The following TTLL11 variants were observed in gnomAD, a reference collection of about 807,000 sequenced individuals.
TTLL11 encodes tubulin tyrosine ligase like 11.
A neutral mutation model predicts 51.7 loss-of-function variants in TTLL11; 42 were observed. The ratio of observed to expected loss-of-function variants is 0.81; its 90% CI spans 0.64 to 1.05. TTLL11 has a LOEUF of 1.05. TTLL11 is among the 50% of genes least tolerant of loss of function. The probability of loss-of-function intolerance (pLI) is 0.00; values close to 1 mark genes in which losing one functional copy is unlikely to be tolerated. For synonymous variants in TTLL11, 381 were observed against 383.5 expected, an observed-to-expected ratio of 0.99 and a Z score of 0.08; for missense variants, 799 against 940.4, an observed-to-expected ratio of 0.85 and a Z score of 1.97.
intron 8 of TTLL11, among the ~76,000 whole-genome samples, chr9:121,823,161 CAG>C (rs1836636382): frequency 6.6e-6 from 1 of 152,232 alleles, no homozygotes; most frequent in African/African-American, 2.4e-5. Flanking sequence ...AGTTGAGTCT[CAG>C]AGACACGGAG....
At chr9:121,904,244 T>C (rs1839860739) in intron 6 of TTLL11, among the ~76,000 whole-genome samples, 1 of 152,036 alleles carries the variant, frequency 6.6e-6, no homozygotes, top group African/African-American at 2.4e-5. Flanking sequence ...TGGCACGATC[T>C]TGGCTCACTG....
chr9:121,842,014 C>G (rs1166487304), intron 8 of TTLL11, among the ~76,000 whole-genome samples: 3 of 152,108 alleles, frequency 2.0e-5, no homozygotes, highest in African/African-American at 7.2e-5. Flanking sequence ...CATGTGCCTG[C>G]CTTCTTCCAC....
At chr9:121,946,499 A>G (rs2131592275) in intron 6 of TTLL11, among the ~76,000 whole-genome samples, 1 of 152,272 alleles carries the variant, frequency 6.6e-6, no homozygotes, top group East Asian at 1.9e-4. Flanking sequence ...CGGGAATCAT[A>G]CCTGGGGCCA....
Position 121,883,486 on chromosome 9 carries a change from C to T in TTLL11, c.1482-12738G>A, listed in dbSNP as rs536215988. Among the ~76,000 whole-genome samples the T allele has an allele frequency of 4.6e-5, 7 of 152,280 alleles. No homozygotes were observed. In the South Asian group the frequency reaches 6.2e-4, roughly 14 times the overall value. ...TCCAGGAAGATTTCGCGGCCTCCTT[C>T]GACCCATGACATTCTTTCCTCAAAG... On this transcript the variant is annotated intron_variant, in intron 6 of 8. Transcript: ENST00000321582.
intron 8 of TTLL11, among the ~76,000 whole-genome samples, chr9:121,859,474 C>T (rs1028602407): frequency 1.3e-5 from 2 of 152,154 alleles, no homozygotes; most frequent in Non-Finnish European, 2.9e-5. Context: ...GCAACCACTC[C>T]AGCCTGGGCA....
chr9:122,031,721 A>C lies in TTLL11; in HGVS notation c.693+2T>G. 6.2e-7 allele frequency: 1 copy of C among 1,612,282 alleles called. No individual in the cohort carries two copies. Among genetic ancestry groups the C allele is most frequent in the African/African-American group, 1.3e-5 (1 of 74,944 alleles). On this transcript the variant is annotated splice_donor_variant, in intron 3 of 8. Coordinates refer to ENST00000321582, the MANE Select transcript of TTLL11 (RefSeq NM_001139442.2). LOFTEE classifies it high-confidence loss of function. ...GGGTCATGGGGACGGAGTGCCATCT[A>C]CCTGAGCAACAAAGAGCTGGAACTC...
chr9:121,888,556 C>A (rs1289352204), intron 6 of TTLL11, among the ~76,000 whole-genome samples: 1 of 152,182 alleles, frequency 6.6e-6, no homozygotes, highest in East Asian at 1.9e-4. Context: ...GGGCCAGGCC[C>A]GGAGCAGGGA....
chr9:122,040,578 C>A (rs1185437297), intron 1 of TTLL11, among the ~76,000 whole-genome samples: 1 of 152,142 alleles, frequency 6.6e-6, no homozygotes, highest in Non-Finnish European at 1.5e-5. Context: ...AAATAAAAAT[C>A]TTTTGATTTT....
intron 7 of TTLL11, among the ~76,000 whole-genome samples, chr9:121,869,376 A>G (rs1483260169): frequency 6.6e-6 from 1 of 152,218 alleles, no homozygotes; most frequent in Non-Finnish European, 1.5e-5. Context: ...CATGACTTTG[A>G]GGTGCAAGAC....
chr9:121,989,319 A>T lies in TTLL11; in HGVS notation c.1145T>A (p.Ile382Asn). Reference protein sequence around the residue: ...LCRLSSKGVDIKKVWSDIISV... With the variant: ...LCRLSSKGVDNKKVWSDIISV... ...GATGATGTCAGACCAGACCTTCTTG[A>T]TGTCAACGCCTTTGGAAGACAGTCT... Residue 382 changes from isoleucine to asparagine, a missense_variant, in exon 4 of 9, where the codon ATC (isoleucine) becomes AAC (asparagine). Transcript: ENST00000321582. The surrounding 1 kb of genome is among the most constrained non-coding windows in gnomAD (Gnocchi z 4.2). 1 of 1,614,210 alleles carries T rather than the reference A, an allele frequency of 6.2e-7. No individual in the cohort carries two copies. Among genetic ancestry groups the T allele is most frequent in the Non-Finnish European group, 8.5e-7 (1 of 1,180,048 alleles).
In TTLL11 at chr9:121,819,756, C is replaced by T. The variant is rs1159984698; in HGVS notation, c.*2831G>A. Among the ~76,000 whole-genome samples the T allele has an allele frequency of 1.3e-5, 2 of 152,152 alleles. No homozygotes were observed. Among genetic ancestry groups the T allele is most frequent in the Non-Finnish European group, 2.9e-5 (2 of 68,006 alleles). On this transcript the variant is annotated 3_prime_UTR_variant, in exon 9 of 9. Coordinates refer to ENST00000321582, the MANE Select transcript of TTLL11 (RefSeq NM_001139442.2). ...CCAGCCAGACTCCCGGCTCTACTTC[C>T]TATCTTCTCGGAGGAAGGAACCATC... is the stretch of plus-strand genomic sequence containing the variant.
chr9:121,869,160 G>A (rs1838268391), intron 7 of TTLL11, among the ~76,000 whole-genome samples: 1 of 151,916 alleles, frequency 6.6e-6, no homozygotes, highest in Admixed American at 6.6e-5. Context: ...CTAACGCAAA[G>A]CCCTTCTCAA....
chr9:122,055,838 G>A lies in TTLL11; in HGVS notation c.463-16470C>T, dbSNP rs143551242. Among the ~76,000 whole-genome samples, 15 of 152,092 alleles carry A rather than the reference G, an allele frequency of 9.9e-5. No individual in the cohort carries two copies. The East Asian group carries it at 2.9e-3, about 29-fold the overall frequency. ...GAAGCCATTTGAACTGACTCTTGAC[G>A]AAAAAAAGGGAAGTTACCAAAAGAC... On this transcript the variant is annotated intron_variant, in intron 1 of 8. Transcript: ENST00000321582.
intron 1 of TTLL11, among the ~76,000 whole-genome samples, chr9:122,083,735 G>A (rs192865373): frequency 2.0e-5 from 3 of 152,172 alleles, no homozygotes; most frequent in East Asian, 3.9e-4. Flanking sequence ...GCTTGAACCC[G>A]GGAGGCAGAG....
intron 6 of TTLL11, among the ~76,000 whole-genome samples, chr9:121,948,121 TC>T (rs1368329306): frequency 1.2e-4 from 18 of 152,224 alleles, no homozygotes; most frequent in Non-Finnish European, 1.8e-4. Flanking sequence ...GCTCATTGCA[TC>T]CTCTTAATAA....
At chr9:121,991,235 A>G (rs1200140294) in intron 3 of TTLL11, among the ~76,000 whole-genome samples, 1 of 152,232 alleles carries the variant, frequency 6.6e-6, no homozygotes, top group African/African-American at 2.4e-5. Flanking sequence ...CTATATTTCT[A>G]AATAAAGCTT....
rs1390328296 is a variant in TTLL11, at chr9:121,870,570, T to G, written c.1660A>C (p.Asn554His). The change falls in exon 7 of 9, where the codon AAT becomes CAT. Residue 554 changes from asparagine to histidine, a missense_variant. Asn to His is a moderately conservative substitution (Grantham distance 68). Transcript: ENST00000321582. ...NYLRLVDRMA[N>H]LFIRFLGIKG... ...ATGCCCAGGAACCGGATAAACAAAT[T>G]TGCCATCCTGTCCACCAGGCGCAGG... The G allele has an allele frequency of 2.6e-6, 4 of 1,551,486 alleles. No individual in the cohort carries two copies. Among genetic ancestry groups the G allele is most frequent in the Non-Finnish European group, 8.7e-7 (1 of 1,146,970 alleles).
chr9:121,987,919 A>G (rs149340975), intron 4 of TTLL11, among the ~76,000 whole-genome samples: 24 of 152,176 alleles, frequency 1.6e-4, no homozygotes, highest in Non-Finnish European at 3.2e-4. Flanking sequence ...CCAAGCTCCA[A>G]ATAGCCAATT....
At chr9:121,905,359 T>A (rs1232937016) in intron 6 of TTLL11, among the ~76,000 whole-genome samples, 1 of 152,070 alleles carries the variant, frequency 6.6e-6, no homozygotes, top group Non-Finnish European at 1.5e-5. Flanking sequence ...TTTAACTTTT[T>A]TTTTTTTTTT....
Sources: gnomAD v4.1 joint callset for allele counts (sites outside exome capture counted in the v4.1 genomes callset) on GRCh38, gnomAD v4.1.1 for gene constraint, Gnocchi (gnomAD v3.1) non-coding constraint, MANE v1.5 for transcripts, NCBI Gene and HGNC (gene_info 2026-07-23, HGNC 2026-07-21) for gene names.